Variants in CCDC85C observed in about 807,000 individuals in gnomAD.
CCDC85C encodes the protein coiled-coil domain-containing protein 85C.
Under a neutral mutation model 38.3 loss-of-function variants are expected in CCDC85C, and 18 were observed. The ratio of observed to expected loss-of-function variants is 0.47; its 90% confidence interval spans 0.33 to 0.70. The LOEUF is 0.70. Among genes scored for constraint, CCDC85C ranks in the 30% least tolerant of loss-of-function variants. CCDC85C has a pLI of 0.03. For synonymous variants in CCDC85C, 264 were observed against 293.8 expected (o/e 0.90, Z 1.04); for missense variants, 566 against 621.2 (o/e 0.91, Z 0.94).
chr14:99,599,488 G>A (rs2055177150), intron 1 of CCDC85C, among the ~76,000 whole-genome samples: 1 of 152,308 alleles, frequency 6.6e-6, no homozygotes, highest in Non-Finnish European at 1.5e-5. Flanking sequence ...TCATGAAGGA[G>A]AACCTGACTT....
Position 99,535,066 on chromosome 14 carries a change from G to A in CCDC85C, c.867+949C>T, listed in dbSNP as rs1292927196. The A allele has an allele frequency of 2.2e-5, 5 of 226,800 alleles. No individual in the cohort carries two copies. In the South Asian group the frequency reaches 3.8e-4, roughly 17 times the overall value. The allele number at this position is 226,800 out of a possible 1,614,324, so 14.0% of individuals were successfully genotyped here. A position where few individuals can be genotyped will look rare whatever the true frequency, so the allele number is the denominator to read the frequency against. On this transcript the variant is annotated intron_variant, in intron 2 of 5. Coordinates refer to ENST00000380243, the MANE Select transcript of CCDC85C (RefSeq NM_001144995.2). This position sits in a 1 kb window ranked among gnomAD's most constrained non-coding sequence, Gnocchi z 5.5. ...CAGTGGGAGCTGTGCTCCCTGCTGG[G>A]GCCGTGAGCCTCCCAGCAGCCGCCC...
chr14:99,565,935 A>C (rs4905857), intron 1 of CCDC85C, among the ~76,000 whole-genome samples: 2 of 152,038 alleles, frequency 1.3e-5, no homozygotes, highest in East Asian at 3.9e-4. Context: ...TTTCAGCCGC[A>C]GGGCTGCTGC....
In CCDC85C at chr14:99,572,933, G is replaced by T. The variant is rs1055014838; in HGVS notation, c.793+30234C>A. On this transcript the variant is annotated intron_variant, in intron 1 of 5. Coordinates refer to ENST00000380243, the MANE Select transcript of CCDC85C (RefSeq NM_001144995.2). This position sits in a 1 kb window ranked among gnomAD's most constrained non-coding sequence, Gnocchi z 4.4. ...GGACCTGAGGCAGCGCCTTCTCTTA[G>T]CTCTGAGCCCTGCCTTCGCCTCCTA... 5.3e-5 allele frequency: 22 copies of T among 414,300 alleles called. No individual in the cohort carries two copies. The highest frequency in any genetic ancestry group is 5.2e-4 in the Admixed American group (20 of 38,620). The allele number at this position is 414,300 out of a possible 1,614,324, so 25.7% of individuals were successfully genotyped here. A position where few individuals can be genotyped will look rare whatever the true frequency, so the allele number is the denominator to read the frequency against.
rs929149000 is a variant in CCDC85C, at chr14:99,509,491, G to GCACACGCAGCACGCACA, written c.*5738_*5754dup. On this transcript the variant is annotated 3_prime_UTR_variant, in exon 6 of 6. Coordinates refer to ENST00000380243, the MANE Select transcript of CCDC85C (RefSeq NM_001144995.2). ...ACACCTAGTGCTGCCTGTCCCTGCT[G>GCACACGCAGCACGCACA]CACACGCAGCACGCACACACACGCA... 3 of 145,036 alleles carry GCACACGCAGCACGCACA rather than the reference G, an allele frequency of 2.1e-5. No individual in the cohort carries two copies. Among genetic ancestry groups the GCACACGCAGCACGCACA allele is most frequent in the African/African-American group, 5.8e-5 (2 of 34,386 alleles). The allele number at this position is 145,036 out of a possible 1,614,324, so 9.0% of individuals were successfully genotyped here.
intron 1 of CCDC85C, among the ~76,000 whole-genome samples, chr14:99,594,606 G>A (rs1250331825): frequency 6.6e-6 from 1 of 152,216 alleles, no homozygotes; most frequent in African/African-American, 2.4e-5. Context: ...ACCACTGAGT[G>A]ACCGATAGGA....
At position 99,516,968 on chromosome 14, in the gene CCDC85C, C is replaced by CCA; in HGVS notation, c.1071+118_1071+119dup. On this transcript the variant is annotated intron_variant, in intron 4 of 5. Transcript: ENST00000380243. The surrounding 1 kb of genome is among the most constrained non-coding windows in gnomAD (Gnocchi z 5.5). Reference sequence around the variant, plus strand: ...CAGGCAGCCATGGTCACCCAGCCACCCACACACAGATGAAACCTCCCACCC... The same window carrying CCA: ...CAGGCAGCCATGGTCACCCAGCCACCCACACACACAGATGAAACCTCCCACCC... The CCA allele has an allele frequency of 1.1e-6, 1 of 924,758 alleles. No homozygotes were observed. Among genetic ancestry groups the CCA allele is most frequent in the East Asian group, 2.6e-5 (1 of 38,052 alleles). 57.3% of individuals were successfully genotyped at this position (924,758 alleles called of 1,614,324 possible).
At chr14:99,587,408 T>C (rs2055038493) in intron 1 of CCDC85C, among the ~76,000 whole-genome samples, 1 of 152,238 alleles carries the variant, frequency 6.6e-6, no homozygotes, top group Admixed American at 6.5e-5. Flanking sequence ...TTAAGGCCTC[T>C]GGGGGAGATT....
chr14:99,591,385 C>A (rs1041026490), intron 1 of CCDC85C, among the ~76,000 whole-genome samples: 2 of 152,262 alleles, frequency 1.3e-5, no homozygotes, highest in Non-Finnish European at 2.9e-5. Context: ...CTTGCACCTA[C>A]AGCCGCAGGA....
intron 5 of CCDC85C, among the ~76,000 whole-genome samples, 193 bp downstream of exon 5, chr14:99,515,995 A>G (rs540716003): frequency 2.6e-5 from 4 of 152,092 alleles, no homozygotes; most frequent in Non-Finnish European, 4.4e-5. Context: ...TGGGAAGGGC[A>G]GGGGGCAGCG....
rs747433269 is a variant in CCDC85C at position 99,503,787 on chromosome 14, T to C, written c.*11459A>G. 9.0e-6 allele frequency: 6 copies of C among 664,590 alleles called. No homozygotes were observed. The highest frequency in any genetic ancestry group is 1.6e-5 in the Non-Finnish European group (6 of 386,096). The allele number at this position is 664,590 out of a possible 1,614,324, so 41.2% of individuals were successfully genotyped here. A position where few individuals can be genotyped will look rare whatever the true frequency, so the allele number is the denominator to read the frequency against. On this transcript the variant is annotated 3_prime_UTR_variant, in exon 6 of 6. Coordinates refer to ENST00000380243, the MANE Select transcript of CCDC85C (RefSeq NM_001144995.2). ...TCATACAAAACTTTTCCATCAGCAT[T>C]GTCTTTCTGTTCATCACCTGATCAT...
chr14:99,545,773 G>C lies in CCDC85C; in HGVS notation c.794-9685C>G, dbSNP rs1235335503. On this transcript the variant is annotated intron_variant, in intron 1 of 5. Coordinates refer to ENST00000380243, the MANE Select transcript of CCDC85C (RefSeq NM_001144995.2). The surrounding 1 kb of genome is among the most constrained non-coding windows in gnomAD (Gnocchi z 4.7). The stretch of plus-strand genomic sequence containing the variant: ...ATCAGGCTGAAAGGTACGCCCTCCT[G>C]GCTCCTTGGAGAGCTTTTAAAATCT... Among the ~76,000 whole-genome samples, 2 of 152,086 alleles carry C rather than the reference G, an allele frequency of 1.3e-5. No individual in the cohort carries two copies. Among genetic ancestry groups the C allele is most frequent in the Non-Finnish European group, 2.9e-5 (2 of 68,014 alleles).
intron 1 of CCDC85C, among the ~76,000 whole-genome samples, chr14:99,568,483 T>A (rs1018804725): frequency 6.6e-6 from 1 of 152,008 alleles, no homozygotes; most frequent in Non-Finnish European, 1.5e-5. Flanking sequence ...CCCAGCTTCC[T>A]TGGGGGGTGG....
chr14:99,522,414 T>C (rs1038844694), intron 2 of CCDC85C, 174 bp from the exon 3 acceptor site: 13 of 551,290 alleles, frequency 2.4e-5, no homozygotes, highest in Middle Eastern at 4.8e-4. Context: ...CAATCGATCT[T>C]CACTCTCCCC....
At chr14:99,563,246 T>C (rs1337795415) in intron 1 of CCDC85C, among the ~76,000 whole-genome samples, 1 of 152,270 alleles carries the variant, frequency 6.6e-6, no homozygotes, top group Non-Finnish European at 1.5e-5. Flanking sequence ...TCCTCCCTCC[T>C]GCTTCTCCGT....
intron 1 of CCDC85C, among the ~76,000 whole-genome samples, chr14:99,556,866 G>A (rs904977622): frequency 2.0e-5 from 3 of 150,830 alleles, no homozygotes; most frequent in Admixed American, 1.3e-4. Context: ...AAGGTATTTC[G>A]TGTGAAAGGG....
At chr14:99,531,321 C>T (rs1353579253) in intron 2 of CCDC85C, among the ~76,000 whole-genome samples, 2 of 152,056 alleles carry the variant, frequency 1.3e-5, no homozygotes, top group African/African-American at 2.4e-5. Flanking sequence ...ATTTATCAGC[C>T]CAGCAGGGGA....
Position 99,517,141 on chromosome 14 carries a change from CAG to C in CCDC85C, c.1016_1017del (p.Ser339CysfsTer35). 1 of 1,550,058 alleles carries C rather than the reference CAG, an allele frequency of 6.5e-7. No homozygotes were observed. Among genetic ancestry groups the C allele is most frequent in the Non-Finnish European group, 8.7e-7 (1 of 1,146,726 alleles). On this transcript the variant is annotated frameshift_variant, in exon 4 of 6. Coordinates refer to ENST00000380243, the MANE Select transcript of CCDC85C (RefSeq NM_001144995.2). LOFTEE classifies it high-confidence loss of function. ...CPAPELPSPP[S>X]AGYSPAGQKP... ...TTCTGTCCTGCAGGGCTGTAGCCAG[CAG>C]AGGGGGGCGAGGGCAGCTCAGGTGC...
At chr14:99,541,305 C>T (rs928931113) in intron 1 of CCDC85C, among the ~76,000 whole-genome samples, 1 of 152,188 alleles carries the variant, frequency 6.6e-6, no homozygotes, top group South Asian at 2.1e-4. Flanking sequence ...GCACCCCGCA[C>T]CCCAAGCTGG....
Position 99,520,430 on chromosome 14 carries a change from CAG to C in CCDC85C, c.975+1701_975+1702del, listed in dbSNP as rs1264498374. ...CACTCCTGGGGGCCTGCCCGCCGAC[CAG>C]CCCCGATCACGGCCCCTGCACCTCA... On this transcript the variant is annotated intron_variant, in intron 3 of 5. Coordinates refer to ENST00000380243, the MANE Select transcript of CCDC85C (RefSeq NM_001144995.2). This position sits in a 1 kb window ranked among gnomAD's most constrained non-coding sequence, Gnocchi z 4.1. Among the ~76,000 whole-genome samples, 1 of 149,858 alleles carries C rather than the reference CAG, an allele frequency of 6.7e-6. No individual in the cohort carries two copies. The highest frequency in any genetic ancestry group is 1.5e-5 in the Non-Finnish European group (1 of 67,402).
Sources: allele counts gnomAD v4.1 joint callset (sites outside exome capture counted in the v4.1 genomes callset), GRCh38; gene constraint gnomAD v4.1.1; non-coding constraint Gnocchi (gnomAD v3.1); transcripts MANE v1.5; gene names NCBI Gene and HGNC (gene_info 2026-07-23, HGNC 2026-07-21).